The following VAT1L variants were observed in gnomAD, a reference collection of about 807,000 sequenced individuals.
VAT1L encodes the protein putative NADPH-dependent quinone oxidoreductase VAT1L.
A neutral mutation model predicts 44.1 loss-of-function variants in VAT1L; 34 were observed. The ratio of observed to expected loss-of-function variants is 0.77; its 90% confidence interval spans 0.59 to 1.03. The LOEUF (loss-of-function observed/expected upper bound fraction) is 1.03, where lower values mean the gene tolerates loss of function less well. Among genes scored for constraint, VAT1L ranks in the 50% least tolerant of loss-of-function variants. The pLI is 0.00. For missense variants in VAT1L, 615 were observed against 538.8 expected, an observed-to-expected ratio of 1.14 and a Z score of -1.40; for synonymous variants, 253 against 202.2, an observed-to-expected ratio of 1.25 and a Z score of -2.13.
intron 3 of VAT1L, among the ~76,000 whole-genome samples, chr16:77,850,220 C>G (rs187008318): frequency 1.1e-3 from 164 of 152,298 alleles, no homozygotes; most frequent in Admixed American, 4.1e-3. Context: ...GGGACATGAG[C>G]TTACATCTCC....
At chr16:77,949,158 T>C (rs562583809) in intron 7 of VAT1L, among the ~76,000 whole-genome samples, 9 of 152,208 alleles carry the variant, frequency 5.9e-5, no homozygotes, top group Middle Eastern at 3.4e-3. Flanking sequence ...TGTAGGGAGA[T>C]GATGAGACCT....
intron 7 of VAT1L, among the ~76,000 whole-genome samples, chr16:77,893,573 C>T (rs375429933): frequency 5.3e-5 from 8 of 152,332 alleles, no homozygotes; most frequent in Middle Eastern, 3.4e-3. Flanking sequence ...ATTACTACTA[C>T]GACTGCTACT....
intron 3 of VAT1L, among the ~76,000 whole-genome samples, chr16:77,835,112 T>C (rs1357774539): frequency 6.6e-6 from 1 of 152,226 alleles, no homozygotes; most frequent in Admixed American, 6.5e-5. Context: ...TTTTTCTTTT[T>C]GTGTCTGGTT....
chr16:77,899,117 C>G (rs2017354211), intron 7 of VAT1L, among the ~76,000 whole-genome samples: 1 of 152,224 alleles, frequency 6.6e-6, no homozygotes, highest in African/African-American at 2.4e-5. Context: ...CATCTAGACT[C>G]ATGGCAATCC....
At chr16:77,832,585 C>G (rs2016591895) in intron 3 of VAT1L, among the ~76,000 whole-genome samples, 2 of 152,230 alleles carry the variant, frequency 1.3e-5, no homozygotes, top group South Asian at 4.1e-4. Context: ...AGAGAAGCTT[C>G]TCTGATCACC....
chr16:77,828,141 C>T lies in VAT1L; in HGVS notation c.579+2680C>T, dbSNP rs891467763. Among the ~76,000 whole-genome samples, 3 of 152,236 alleles carry T rather than the reference C, an allele frequency of 2.0e-5. No individual in the cohort carries two copies. In the South Asian group the frequency reaches 6.2e-4, roughly 32 times the overall value. ...TGCAGATCCACATATGTGAACACTC[C>T]GCTGAGCCGGGATGGGTGGGGCACT... On this transcript the variant is annotated intron_variant, in intron 3 of 8. Coordinates refer to ENST00000302536, the MANE Select transcript of VAT1L (RefSeq NM_020927.3).
At chr16:77,806,570 C>G (rs1287297356) in intron 1 of VAT1L, among the ~76,000 whole-genome samples, 3 of 151,546 alleles carry the variant, frequency 2.0e-5, no homozygotes, top group Non-Finnish European at 4.4e-5. Context: ...GTCTCGATTT[C>G]CTGACCTCGT....
At chr16:77,809,256 C>G (rs1051924259) in intron 1 of VAT1L, among the ~76,000 whole-genome samples, 1 of 151,922 alleles carries the variant, frequency 6.6e-6, no homozygotes, top group Non-Finnish European at 1.5e-5. Flanking sequence ...AAATGACACT[C>G]AACACCATGC....
intron 7 of VAT1L, among the ~76,000 whole-genome samples, chr16:77,935,731 C>T (rs1464386791): frequency 6.6e-6 from 1 of 152,164 alleles, no homozygotes; most frequent in Admixed American, 6.5e-5. Context: ...TAGACCAGCA[C>T]TGGCTGTAAT....
intron 4 of VAT1L, among the ~76,000 whole-genome samples, chr16:77,871,011 C>T (rs1343038333): frequency 6.6e-6 from 1 of 152,132 alleles, no homozygotes; most frequent in African/African-American, 2.4e-5. Context: ...CAGTTCAGTA[C>T]AGTCTTTCTA....
chr16:77,908,749 C>A (rs539763222), intron 7 of VAT1L, among the ~76,000 whole-genome samples: 11 of 151,854 alleles, frequency 7.2e-5, no homozygotes, highest in Admixed American at 6.6e-4. Context: ...CCCGTCTCTA[C>A]TAAAAATACA....
At chr16:77,896,894 G>C (rs2017330624) in intron 7 of VAT1L, among the ~76,000 whole-genome samples, 1 of 152,130 alleles carries the variant, frequency 6.6e-6, no homozygotes. Context: ...TGTGAGCCAG[G>C]GACAGAGTCA....
intron 7 of VAT1L, 84 bp from the exon 8 acceptor site, chr16:77,971,765 TG>T (rs2142544959): frequency 7.0e-7 from 1 of 1,426,568 alleles, no homozygotes. Flanking sequence ...GGTGGTCACT[TG>T]ACAGTTTGAG....
intron 7 of VAT1L, among the ~76,000 whole-genome samples, chr16:77,949,809 A>G (rs899454762): frequency 3.3e-5 from 5 of 152,228 alleles, no homozygotes; most frequent in Non-Finnish European, 7.3e-5. Context: ...GTATTCTTTT[A>G]TAACAACACA....
At chr16:77,836,458 T>C (rs909955691) in intron 3 of VAT1L, among the ~76,000 whole-genome samples, 12 of 152,240 alleles carry the variant, frequency 7.9e-5, no homozygotes, top group African/African-American at 2.9e-4. Context: ...TAACTGCATC[T>C]GCACATCAGC....
intron 3 of VAT1L, among the ~76,000 whole-genome samples, chr16:77,862,116 G>A (rs1459481184): frequency 6.6e-6 from 1 of 152,186 alleles, no homozygotes; most frequent in Admixed American, 6.5e-5. Context: ...GGATTCGCCT[G>A]ATTCCCATTG....
chr16:77,839,451 G>C (rs1249449845), intron 3 of VAT1L, among the ~76,000 whole-genome samples: 5 of 145,974 alleles, frequency 3.4e-5, no homozygotes, highest in Non-Finnish European at 7.4e-5. Flanking sequence ...CAGGAGAATG[G>C]TGTGAACCTG....
At chr16:77,800,468 C>T (rs1286507792) in intron 1 of VAT1L, 1 of 152,248 alleles carries the variant, frequency 6.6e-6, no homozygotes, top group Non-Finnish European at 1.5e-5. Context: ...TGTCCCTACC[C>T]TTCGTAGGTA....
At chr16:77,952,794 T>C (rs907098816) in intron 7 of VAT1L, among the ~76,000 whole-genome samples, 2 of 143,134 alleles carry the variant, frequency 1.4e-5, no homozygotes, top group African/African-American at 5.3e-5. Context: ...GAGGCAGAGG[T>C]TGCACTGAGC....
Sources: allele counts gnomAD v4.1 joint callset (sites outside exome capture counted in the v4.1 genomes callset), GRCh38; gene constraint gnomAD v4.1.1; transcripts MANE v1.5; gene names NCBI Gene and HGNC (gene_info 2026-07-23, HGNC 2026-07-21).